The following BNIP3 variants were observed in gnomAD, a reference collection of about 807,000 sequenced individuals.
BNIP3 encodes BCL2 interacting protein 3.
A neutral mutation model predicts 23.9 loss-of-function variants in BNIP3; 16 were observed. That is an observed-to-expected ratio of 0.67 (90% CI 0.45 to 1.01). The LOEUF (loss-of-function observed/expected upper bound fraction) is 1.01. Among genes scored for constraint, BNIP3 ranks in the 50% least tolerant of loss-of-function variants. The pLI, the probability that BNIP3 is intolerant of heterozygous loss-of-function variation, is 0.00. For synonymous variants in BNIP3, 81 were observed against 89.3 expected, an observed-to-expected ratio of 0.91 and a Z score of 0.53; for missense variants, 198 against 248.7, an observed-to-expected ratio of 0.80 and a Z score of 1.37.
chr10:131,981,734 G>A (rs2037120646), intron 1 of BNIP3, 27 bp downstream of exon 1: 2 of 1,463,786 alleles, frequency 1.4e-6, no homozygotes, highest in Non-Finnish European at 1.8e-6. Flanking sequence ...CGCCCCCTCG[G>A]CTCCCGCGCC....
intron 1 of BNIP3, chr10:131,980,492 A>G (rs1425599541): frequency 6.6e-6 from 1 of 151,908 alleles, no homozygotes; most frequent in East Asian, 1.9e-4. Context: ...CAGGCCTATA[A>G]TCCCAGCACT....
chr10:131,973,943 C>G lies in BNIP3; in HGVS notation c.47G>C (p.Gly16Ala). 6.2e-7 allele frequency: 1 copy of G among 1,613,756 alleles called. No individual in the cohort carries two copies. The highest frequency in any genetic ancestry group is 8.5e-7 in the Non-Finnish European group (1 of 1,179,980). The change falls in exon 2 of 6, where the codon GGC (glycine) becomes GCC (alanine). Residue 16 changes from glycine (G) to alanine (A), a missense_variant and splice_region_variant. Transcript: ENST00000368636. Reference protein sequence around the residue: ...APGMQEESLQGSWVELHFSNN... With the variant: ...APGMQEESLQASWVELHFSNN... ...GCTGAAGTGCAGTTCTACCCAGGAG[C>G]CTGATGGGGACAAAAAAAGGGGCGC...
intron 3 of BNIP3, among the ~76,000 whole-genome samples, chr10:131,972,102 G>C (rs922288350): frequency 6.6e-6 from 1 of 152,204 alleles, no homozygotes; most frequent in Non-Finnish European, 1.5e-5. Context: ...AGACAGTACT[G>C]ATCACTGCCT....
Position 131,976,422 on chromosome 10 carries a change from C to T in BNIP3, c.47-2479G>A, listed in dbSNP as rs765502503. Among the ~76,000 whole-genome samples, 1 of 152,178 alleles carries T rather than the reference C, an allele frequency of 6.6e-6. No individual in the cohort carries two copies. The highest frequency in any genetic ancestry group is 1.5e-5 in the Non-Finnish European group (1 of 68,020). On this transcript the variant is annotated intron_variant, in intron 1 of 5. Coordinates refer to ENST00000368636, the MANE Select transcript of BNIP3 (RefSeq NM_004052.4). This position sits in a 1 kb window ranked among gnomAD's most constrained non-coding sequence, Gnocchi z 4.3. The stretch of plus-strand genomic sequence containing the variant: ...GCAGAGAATGGGGTGTCCAGGTTAC[C>T]CGTATTTCTGCCAGTGCCTCTACCT...
rs370082007 is a variant in BNIP3, at chr10:131,971,097, C to T, written c.283-127G>A. On this transcript the variant is annotated intron_variant, in intron 3 of 5. Transcript: ENST00000368636. ...AGCCCAGAGGCACATGTCAGTGCCT[C>T]GGACCGTGGTCCAAGGGGAGTCCTG... The T allele has an allele frequency of 8.3e-5, 71 of 858,174 alleles. No individual in the cohort carries two copies. In the African/African-American group the frequency reaches 9.9e-4, roughly 12 times the overall value. 53.2% of individuals were successfully genotyped at this position (858,174 alleles called of 1,614,324 possible).
At chr10:131,972,293 A>G (rs571288964) in intron 3 of BNIP3, among the ~76,000 whole-genome samples, 1 of 152,218 alleles carries the variant, frequency 6.6e-6, no homozygotes, top group African/African-American at 2.4e-5. Context: ...AGTATCTCAC[A>G]CCTATAGTCC....
At chr10:131,972,841 C>G (rs1219310582) in intron 3 of BNIP3, among the ~76,000 whole-genome samples, 193 bp downstream of exon 3, 1 of 152,190 alleles carries the variant, frequency 6.6e-6, no homozygotes, top group Non-Finnish European at 1.5e-5. Flanking sequence ...AGCTGAGTGT[C>G]CAGCCCATGT....
rs2037060649 is a variant in BNIP3, at chr10:131,973,874, T to C, written c.116A>G (p.Tyr39Cys). ...CAGTATTTTTTCCATGTCTCCATTATAAATAGAAACCGAGGCTGGAACGCT... is the reference window on the plus strand; with the variant it reads ...CAGTATTTTTTCCATGTCTCCATTACAAATAGAAACCGAGGCTGGAACGCT... ...GGSVPASVSI[Y>C]NGDMEKILLD... The change falls in exon 2 of 6, where the codon TAT becomes TGT. Residue 39 changes from tyrosine (Y) to cysteine (C), a missense_variant. Coordinates refer to ENST00000368636, the MANE Select transcript of BNIP3 (RefSeq NM_004052.4). 1 of 1,613,140 alleles carries C rather than the reference T, an allele frequency of 6.2e-7. No individual in the cohort carries two copies. The highest frequency in any genetic ancestry group is 1.3e-5 in the African/African-American group (1 of 74,892).
At chr10:131,968,822 T>C in intron 5 of BNIP3, 1 of 362,670 alleles carries the variant, frequency 2.8e-6, no homozygotes, top group South Asian at 3.1e-5. Context: ...AACCGAATGC[T>C]GTTTCCACAC....
chr10:131,970,748 G>A lies in BNIP3; in HGVS notation c.429C>T (p.Leu143=), dbSNP rs10223. 1 of 1,614,236 alleles carries A rather than the reference G, an allele frequency of 6.2e-7. No homozygotes were observed. The highest frequency in any genetic ancestry group is 8.5e-7 in the Non-Finnish European group (1 of 1,180,046). The change falls in exon 5 of 6, where the codon CTC becomes CTT. Residue 143 remains leucine (L), a synonymous_variant. Coordinates refer to ENST00000368636, the MANE Select transcript of BNIP3 (RefSeq NM_004052.4). The surrounding 1 kb of genome is among the most constrained non-coding windows in gnomAD (Gnocchi z 4.1). ...LFKHPKRTAT[L]SMRNTSVMKK... ...TCATGACGCTCGTGTTCCTCATGCT[G>A]AGGGTGGCCGTGCGCTTCGGGTGTT...
chr10:131,969,714 G>T (rs1330673109), intron 5 of BNIP3: 2 of 152,338 alleles, frequency 1.3e-5, no homozygotes, highest in Admixed American at 1.3e-4. Flanking sequence ...GGCAGCCACA[G>T]AACACTGTCT....
rs1298145267 is a variant in BNIP3, at chr10:131,981,611, G to A, written c.46+150C>T. 14 of 1,003,182 alleles carry A rather than the reference G, an allele frequency of 1.4e-5. No individual in the cohort carries two copies. The Admixed American group carries it at 1.7e-4, about 12-fold the overall frequency. The allele number at this position is 1,003,182 out of a possible 1,614,324, so 62.1% of individuals were successfully genotyped here. ...CCGGGCTCCGCATGCCCGCAGGAGG[G>A]GTGGGTACGGAAGGGGAGGATGGCG... On this transcript the variant is annotated intron_variant, in intron 1 of 5. Transcript: ENST00000368636.
chr10:131,968,855 A>G (rs923947729), intron 5 of BNIP3: 5 of 293,514 alleles, frequency 1.7e-5, no homozygotes, highest in African/African-American at 1.1e-4. Context: ...CTTTGTTCCA[A>G]CTCAGTGCTG....
chr10:131,978,695 T>A (rs527432489), intron 1 of BNIP3, among the ~76,000 whole-genome samples: 7 of 152,232 alleles, frequency 4.6e-5, no homozygotes, highest in African/African-American at 1.7e-4. Flanking sequence ...CTCAGCCCAC[T>A]CTGAAAGTGA....
chr10:131,974,199 C>G (rs567503852), intron 1 of BNIP3, among the ~76,000 whole-genome samples: 2 of 152,218 alleles, frequency 1.3e-5, no homozygotes, highest in Non-Finnish European at 2.9e-5. Context: ...CTTGCAGTCC[C>G]TTTATACCAA....
chr10:131,978,183 CACTT>C (rs2037094126), intron 1 of BNIP3, among the ~76,000 whole-genome samples: 1 of 152,082 alleles, frequency 6.6e-6, no homozygotes, highest in Non-Finnish European at 1.5e-5. Flanking sequence ...CCTCCTCACT[CACTT>C]ATAATTTACA....
chr10:131,971,344 T>A, intron 3 of BNIP3: 2 of 248,392 alleles, frequency 8.1e-6, no homozygotes, highest in Non-Finnish European at 1.6e-5. Context: ...GAAAAGAAAA[T>A]GAAAACAGCC....
intron 1 of BNIP3, among the ~76,000 whole-genome samples, chr10:131,978,926 T>TG (rs770977095): frequency 4.6e-5 from 7 of 152,152 alleles, no homozygotes; most frequent in Non-Finnish European, 8.8e-5. Context: ...CTCAGGTTAG[T>TG]GGGGAGAGAA....
intron 2 of BNIP3, 108 bp from the exon 3 acceptor site, chr10:131,973,226 G>A: frequency 8.9e-7 from 1 of 1,123,800 alleles, no homozygotes; most frequent in South Asian, 1.3e-5. Context: ...AGGGGCTCTA[G>A]CCAGTCAGCG....
Sources: gnomAD v4.1 joint callset for allele counts (sites outside exome capture counted in the v4.1 genomes callset) on GRCh38, gnomAD v4.1.1 for gene constraint, Gnocchi (gnomAD v3.1) non-coding constraint, MANE v1.5 for transcripts, NCBI Gene and HGNC (gene_info 2026-07-23, HGNC 2026-07-21) for gene names.